DLC1: variants seen among roughly 807,000 people sequenced by gnomAD.
DLC1 encodes rho GTPase-activating protein 7.
DLC1 carries 54 observed loss-of-function variants against 140.3 expected under a neutral mutation model. That is an observed-to-expected ratio of 0.38 (90% CI 0.31 to 0.48). DLC1 has a LOEUF of 0.48. Among genes scored for constraint, DLC1 ranks in the 20% least tolerant of loss-of-function variants. The pLI, the probability that DLC1 is intolerant of heterozygous loss-of-function variation, is 0.96. For synonymous variants in DLC1, 986 were observed against 728.1 expected (o/e 1.35, Z -5.70); for missense variants, 2,536 against 1,907.0 (o/e 1.33, Z -6.14).
At chr8:13,546,171 C>T (rs902017300) in intron 1 of DLC1, among the ~76,000 whole-genome samples, 14 of 152,010 alleles carry the variant, frequency 9.2e-5, no homozygotes, top group African/African-American at 3.4e-4. Flanking sequence ...TAATGGTTTT[C>T]TCATATTGGT....
At chr8:13,323,250 A>G (rs767222524) in intron 4 of DLC1, among the ~76,000 whole-genome samples, 2 of 152,238 alleles carry the variant, frequency 1.3e-5, no homozygotes, top group African/African-American at 2.4e-5. Flanking sequence ...ATTTGCCTAT[A>G]TATTTAAATG....
At chr8:13,467,575 C>CA (rs1282324762) in intron 2 of DLC1, among the ~76,000 whole-genome samples, 4 of 151,640 alleles carry the variant, frequency 2.6e-5, no homozygotes, top group East Asian at 3.9e-4. Flanking sequence ...CCTGTCTTTA[C>CA]AAAAAATCAG....
At chr8:13,553,680 C>A (rs1315196203) in intron 1 of DLC1, among the ~76,000 whole-genome samples, 1 of 151,802 alleles carries the variant, frequency 6.6e-6, no homozygotes, top group Non-Finnish European at 1.5e-5. Flanking sequence ...CCCTTCATGG[C>A]AAAATTTTTA....
chr8:13,582,072 C>T (rs562540051), intron 1 of DLC1, among the ~76,000 whole-genome samples: 1 of 152,258 alleles, frequency 6.6e-6, no homozygotes, highest in Admixed American at 6.5e-5. Context: ...AAAGTCCACT[C>T]TCCCTAGAGA....
chr8:13,142,754 G>C (rs2128971875), intron 5 of DLC1, among the ~76,000 whole-genome samples: 1 of 152,214 alleles, frequency 6.6e-6, no homozygotes, highest in East Asian at 1.9e-4. Context: ...AAAATATACA[G>C]AGTAAAACTG....
At chr8:13,517,624 G>T (rs1414184501), upstream of DLC1, among the ~76,000 whole-genome samples, 2 of 152,170 alleles carry the variant, frequency 1.3e-5, no homozygotes, top group Non-Finnish European at 2.9e-5. Context: ...CACTGAAGGA[G>T]TTCAAAATAT....
intron 4 of DLC1, among the ~76,000 whole-genome samples, chr8:13,355,548 A>T (rs1834900473): frequency 6.6e-6 from 1 of 152,160 alleles, no homozygotes; most frequent in Non-Finnish European, 1.5e-5. Context: ...GGCTCTTCTT[A>T]TAAGGACAAG....
chr8:13,503,510 A>C (rs1489551344), intron 1 of DLC1, among the ~76,000 whole-genome samples: 1 of 152,182 alleles, frequency 6.6e-6, no homozygotes, highest in Non-Finnish European at 1.5e-5. Flanking sequence ...CTATTTTTGC[A>C]CTTGTCTCTG....
intron 5 of DLC1, among the ~76,000 whole-genome samples, chr8:13,277,605 G>A (rs763975176): frequency 2.0e-5 from 3 of 152,078 alleles, no homozygotes; most frequent in East Asian, 1.9e-4. Context: ...CAAGATATGC[G>A]CCTTAGTTTC....
chr8:13,306,886 C>T (rs558248434), intron 4 of DLC1, among the ~76,000 whole-genome samples: 3 of 151,552 alleles, frequency 2.0e-5, no homozygotes, highest in South Asian at 4.2e-4. Flanking sequence ...GAGATCGAGA[C>T]CAGCCTGACT....
rs146241107 is a variant in DLC1 at position 13,150,856 on chromosome 8, C to G, written c.1349-35199G>C. On this transcript the variant is annotated intron_variant, in intron 5 of 17. Transcript: ENST00000276297. The stretch of plus-strand genomic sequence containing the variant: ...ATATTTCAACAGAGAACTTTCTTCC[C>G]TGGAGAAAATACTGGCCTTAAAAAT... Among the ~76,000 whole-genome samples the G allele has an allele frequency of 4.6e-3, 705 of 152,294 alleles. 1 individual carries two copies. The highest frequency in any genetic ancestry group is 9.8e-3 in the Admixed American group (150 of 15,296).
chr8:13,405,793 C>G (rs1563320493), intron 2 of DLC1, among the ~76,000 whole-genome samples: 2 of 151,492 alleles, frequency 1.3e-5, no homozygotes, highest in Admixed American at 6.6e-5. Flanking sequence ...CTCTTTTCTT[C>G]TCTTTTTTTC....
At position 13,129,572 on chromosome 8, in the gene DLC1, C is replaced by T. The variant is rs758679357; in HGVS notation, c.1349-13915G>A. Among the ~76,000 whole-genome samples the T allele has an allele frequency of 2.0e-5, 3 of 152,294 alleles. No individual in the cohort carries two copies. In the South Asian group the frequency reaches 6.2e-4, roughly 32 times the overall value. On this transcript the variant is annotated intron_variant, in intron 5 of 17. Transcript: ENST00000276297. ...TGAGAAAAGTCAGAGATACAACTGTCTAGACACTAAAGAAATTAGTTCTCT... is the reference window on the plus strand; with the variant it reads ...TGAGAAAAGTCAGAGATACAACTGTTTAGACACTAAAGAAATTAGTTCTCT...
At chr8:13,349,614 G>T (rs1834541736) in intron 4 of DLC1, among the ~76,000 whole-genome samples, 1 of 152,160 alleles carries the variant, frequency 6.6e-6, no homozygotes, top group African/African-American at 2.4e-5. Flanking sequence ...AATTTTCAGT[G>T]ACTTATCTTT....
intron 5 of DLC1, among the ~76,000 whole-genome samples, chr8:13,185,283 G>GTTTT (rs113333274): frequency 0.016 from 2,062 of 130,750 alleles, 73 homozygotes; most frequent in African/African-American, 0.057. Context: ...TGTCTTTTCT[G>GTTTT]TTTTTTTTGT....
At chr8:13,525,933 G>T (rs779634969) in intron 1 of DLC1, among the ~76,000 whole-genome samples, 3 of 152,112 alleles carry the variant, frequency 2.0e-5, no homozygotes, top group Non-Finnish European at 4.4e-5. Flanking sequence ...TACACTATAT[G>T]CTAGAAGTTT....
chr8:13,532,855 A>G (rs73559550), intron 1 of DLC1, among the ~76,000 whole-genome samples: 3,155 of 152,260 alleles, frequency 0.021, 135 homozygotes, highest in African/African-American at 0.072. Context: ...AACCTACTGT[A>G]CTTGGCCATT....
At chr8:13,543,078 A>G (rs1585257770) in intron 1 of DLC1, among the ~76,000 whole-genome samples, 2 of 152,274 alleles carry the variant, frequency 1.3e-5, no homozygotes, top group Middle Eastern at 6.8e-3. Flanking sequence ...GATTTTATAA[A>G]TTAACTATGA....
chr8:13,308,554 C>G (rs1451655170), intron 4 of DLC1, among the ~76,000 whole-genome samples: 1 of 152,062 alleles, frequency 6.6e-6, no homozygotes, highest in Non-Finnish European at 1.5e-5. Context: ...TTGAAAAATG[C>G]TGACACTTGC....
Sources: gnomAD v4.1 joint callset for allele counts (sites outside exome capture counted in the v4.1 genomes callset) on GRCh38, gnomAD v4.1.1 for gene constraint, MANE v1.5 for transcripts, NCBI Gene and HGNC (gene_info 2026-07-23, HGNC 2026-07-21) for gene names.